Variants in KCNIP4 observed in about 807,000 individuals in gnomAD.
The protein encoded by KCNIP4 is Kv channel-interacting protein 4.
KCNIP4 carries 12 observed loss-of-function variants against 34.0 expected under a neutral mutation model. The observed-to-expected ratio is 0.35, with a 90% CI of 0.23 to 0.57. The LOEUF (loss-of-function observed/expected upper bound fraction) is 0.57. Among genes scored for constraint, KCNIP4 ranks in the 20% least tolerant of loss-of-function variants. The pLI, the probability that KCNIP4 is intolerant of heterozygous loss-of-function variation, is 0.83. For missense variants in KCNIP4, 238 were observed against 311.7 expected (o/e 0.76, Z 1.78); for synonymous variants, 124 against 102.2 (o/e 1.21, Z -1.29).
At chr4:20,876,670 G>A (rs997545774) in intron 2 of KCNIP4, among the ~76,000 whole-genome samples, 2 of 152,042 alleles carry the variant, frequency 1.3e-5, no homozygotes, top group Non-Finnish European at 2.9e-5. Flanking sequence ...CTGGAGTGGA[G>A]TTCAAGTGAT....
intron 3 of KCNIP4, among the ~76,000 whole-genome samples, chr4:20,837,068 A>G (rs966863111): frequency 4.6e-5 from 7 of 152,182 alleles, no homozygotes; most frequent in Non-Finnish European, 1.0e-4. Context: ...TCGATGCTTA[A>G]TATGTGTTTG....
At position 21,397,862 on chromosome 4, in the gene KCNIP4, A is replaced by C. The variant is rs191178954; in HGVS notation, c.62-515153T>G. Among the ~76,000 whole-genome samples the C allele has an allele frequency of 1.4e-3, 211 of 150,202 alleles. 1 individual carries two copies. Among genetic ancestry groups the C allele is most frequent in the East Asian group, 1.9e-3 (10 of 5,154 alleles). On this transcript the variant is annotated intron_variant, in intron 1 of 8. Transcript: ENST00000382152. Reference sequence around the variant, plus strand: ...CCCTAAAAGGGATTGAAGATGGGTGATGGACTATATGATTAAAATTCATAA... The same window carrying C: ...CCCTAAAAGGGATTGAAGATGGGTGCTGGACTATATGATTAAAATTCATAA...
intron 1 of KCNIP4, among the ~76,000 whole-genome samples, chr4:21,754,888 C>G (rs1165533337): frequency 6.6e-6 from 1 of 152,130 alleles, no homozygotes; most frequent in Non-Finnish European, 1.5e-5. Flanking sequence ...TGGCTCATAT[C>G]TGTAATCCAG....
intron 3 of KCNIP4, among the ~76,000 whole-genome samples, chr4:20,809,376 T>C (rs556416179): frequency 3.3e-5 from 5 of 152,324 alleles, no homozygotes; most frequent in African/African-American, 1.2e-4. Context: ...TGGAGAATGT[T>C]TTTTGTTACT....
At chr4:21,453,788 C>T (rs572647781) in intron 1 of KCNIP4, among the ~76,000 whole-genome samples, 2 of 152,196 alleles carry the variant, frequency 1.3e-5, no homozygotes, top group African/African-American at 4.8e-5. Flanking sequence ...ACGCAATGCC[C>T]ATCTCCTTTC....
At chr4:21,728,824 A>G (rs10012747) in intron 1 of KCNIP4, among the ~76,000 whole-genome samples, 78,650 of 151,860 alleles carry the variant, frequency 0.52, 22,602 homozygotes, top group East Asian at 0.78. Context: ...CCACCCCTCA[A>G]ATCTTAGCTC....
chr4:21,767,742 A>G (rs1293706590), intron 1 of KCNIP4, among the ~76,000 whole-genome samples: 7 of 152,148 alleles, frequency 4.6e-5, no homozygotes, highest in Non-Finnish European at 8.8e-5. Flanking sequence ...GGACCTAATA[A>G]GCACAGAATT....
chr4:21,680,335 A>G (rs1355760867), intron 1 of KCNIP4, among the ~76,000 whole-genome samples: 1 of 152,170 alleles, frequency 6.6e-6, no homozygotes, highest in East Asian at 1.9e-4. Flanking sequence ...TCCATGATCC[A>G]TTTCTAATCC....
intron 1 of KCNIP4, among the ~76,000 whole-genome samples, chr4:21,692,732 C>T (rs1307413452): frequency 6.7e-6 from 1 of 150,148 alleles, no homozygotes; most frequent in East Asian, 1.9e-4. Flanking sequence ...TCAGCAATAG[C>T]ATAATTTCAG....
At chr4:21,338,381 T>C (rs1413275116) in intron 1 of KCNIP4, among the ~76,000 whole-genome samples, 1 of 151,572 alleles carries the variant, frequency 6.6e-6, no homozygotes, top group East Asian at 1.9e-4. Flanking sequence ...TGGAAAACCA[T>C]TTTTTTTAAA....
chr4:20,838,786 C>T (rs113572623), intron 3 of KCNIP4, among the ~76,000 whole-genome samples: 2 of 152,258 alleles, frequency 1.3e-5, no homozygotes, highest in African/African-American at 4.8e-5. Context: ...CCAACTATGA[C>T]TTGAAAGAAA....
chr4:21,186,740 G>A lies in KCNIP4; in HGVS notation c.62-304031C>T, dbSNP rs142877347. On this transcript the variant is annotated intron_variant, in intron 1 of 8. Transcript: ENST00000382152. ...TCTCACAGCGGCCTTCACCTGCCAC[G>A]CTCAAGCAATCCTCTCACCTCAGTC... Among the ~76,000 whole-genome samples the A allele has an allele frequency of 5.9e-5, 9 of 152,238 alleles. No homozygotes were observed. In the East Asian group the frequency reaches 1.5e-3, roughly 26 times the overall value.
At chr4:21,485,447 A>G (rs1731818804) in intron 1 of KCNIP4, among the ~76,000 whole-genome samples, 1 of 152,106 alleles carries the variant, frequency 6.6e-6, no homozygotes, top group Non-Finnish European at 1.5e-5. Flanking sequence ...CATGTGCCCT[A>G]TATTCAGATA....
At chr4:21,571,709 G>C (rs1036037884) in intron 1 of KCNIP4, among the ~76,000 whole-genome samples, 1 of 152,112 alleles carries the variant, frequency 6.6e-6, no homozygotes, top group African/African-American at 2.4e-5. Context: ...GAGGAGGAAG[G>C]TGCCCAGGGG....
At chr4:21,828,436 T>A (rs10000808) in intron 1 of KCNIP4, among the ~76,000 whole-genome samples, 148,059 of 151,816 alleles carry the variant, frequency 0.98, 72,307 homozygotes, top group East Asian at 1. Context: ...GAGAAGCAAA[T>A]ATACTCGAAG....
chr4:21,329,511 A>G (rs544466476), intron 1 of KCNIP4, among the ~76,000 whole-genome samples: 1 of 152,332 alleles, frequency 6.6e-6, no homozygotes, highest in South Asian at 2.1e-4. Flanking sequence ...ATTTCTTTCA[A>G]GAACTCCACC....
intron 1 of KCNIP4, among the ~76,000 whole-genome samples, chr4:21,187,965 T>G (rs1161075834): frequency 6.6e-6 from 1 of 152,198 alleles, no homozygotes; most frequent in Non-Finnish European, 1.5e-5. Flanking sequence ...TTATCATCTG[T>G]CAAATGGGTC....
At chr4:21,785,610 T>TAAATAAATAAGTAAATAAATAAATA (rs1553931494) in intron 1 of KCNIP4, among the ~76,000 whole-genome samples, 1 of 147,570 alleles carries the variant, frequency 6.8e-6, no homozygotes, top group African/African-American at 2.6e-5. Context: ...AATAAATAAA[T>TAAATAAATAAGTAAATAAATAAATA]AAATAAAATA....
intron 1 of KCNIP4, chr4:21,844,536 T>C (rs748974924): frequency 3.3e-5 from 5 of 152,222 alleles, no homozygotes; most frequent in Middle Eastern, 3.4e-3. Flanking sequence ...CTGCAATTTC[T>C]AGATTGCAGT....
Sources: allele counts gnomAD v4.1 joint callset (sites outside exome capture counted in the v4.1 genomes callset), GRCh38; gene constraint gnomAD v4.1.1; transcripts MANE v1.5; gene names NCBI Gene and HGNC (gene_info 2026-07-23, HGNC 2026-07-21).